Variants in NOL4 observed in about 807,000 individuals in gnomAD.
The protein encoded by NOL4 is nucleolar protein 4.
A neutral mutation model predicts 75.9 loss-of-function variants in NOL4; 17 were observed. The observed-to-expected ratio is 0.22, with a 90% CI of 0.15 to 0.34. NOL4 has a LOEUF of 0.34. Among genes scored for constraint, NOL4 ranks in the 10% least tolerant of loss-of-function variants. NOL4 has a pLI of 1.00. For synonymous variants in NOL4, 292 were observed against 289.9 expected (o/e 1.01, Z -0.07); for missense variants, 614 against 793.5 (o/e 0.77, Z 2.72).
chr18:34,216,109 C>T (rs987985850), intron 1 of NOL4, among the ~76,000 whole-genome samples: 1 of 152,122 alleles, frequency 6.6e-6, no homozygotes, highest in African/African-American at 2.4e-5. Context: ...AGAAGATATA[C>T]ATTATGTCAC....
chr18:33,935,135 G>T (rs887198546), intron 9 of NOL4, among the ~76,000 whole-genome samples: 3 of 152,036 alleles, frequency 2.0e-5, no homozygotes, highest in African/African-American at 7.2e-5. Flanking sequence ...AAACTGCTGG[G>T]ATTACATGTG....
In NOL4 at chr18:33,852,575, G is replaced by A. The variant is rs1185994921; in HGVS notation, c.*267C>T. On this transcript the variant is annotated 3_prime_UTR_variant, in exon 11 of 11. Transcript: ENST00000261592. ...TTTATCCTTGAATTAAGAATAGATA[G>A]CCTTTTATGCCCCTGATATTTATGG... 3 of 270,172 alleles carry A rather than the reference G, an allele frequency of 1.1e-5. No individual in the cohort carries two copies. Among genetic ancestry groups the A allele is most frequent in the Non-Finnish European group, 2.1e-5 (3 of 144,776 alleles). 16.7% of individuals were successfully genotyped at this position (270,172 alleles called of 1,614,324 possible). A position where few individuals can be genotyped will look rare whatever the true frequency, so the allele number is the denominator to read the frequency against.
At chr18:33,867,195 C>G (rs2063472635) in intron 10 of NOL4, among the ~76,000 whole-genome samples, 2 of 152,206 alleles carry the variant, frequency 1.3e-5, no homozygotes, top group South Asian at 4.1e-4. Context: ...AGATTTGAAC[C>G]TGGGTTTTCC....
At chr18:33,900,855 C>T (rs2065706676) in intron 9 of NOL4, among the ~76,000 whole-genome samples, 1 of 152,038 alleles carries the variant, frequency 6.6e-6, no homozygotes, top group African/African-American at 2.4e-5. Flanking sequence ...CATCTTATGG[C>T]TAGAATTTTA....
At chr18:33,887,169 T>C (rs1441955834) in intron 9 of NOL4, among the ~76,000 whole-genome samples, 2 of 145,650 alleles carry the variant, frequency 1.4e-5, no homozygotes, top group Admixed American at 1.4e-4. Context: ...TATATATATA[T>C]AGATGTATCT....
intron 1 of NOL4, among the ~76,000 whole-genome samples, chr18:34,173,247 TG>T (rs1258941314): frequency 1.3e-5 from 2 of 152,122 alleles, no homozygotes; most frequent in East Asian, 3.9e-4. Flanking sequence ...GGCTGGAGGA[TG>T]GGATAAAGAG....
intron 4 of NOL4, among the ~76,000 whole-genome samples, chr18:34,101,838 G>A (rs1002513051): frequency 1.3e-5 from 2 of 151,496 alleles, no homozygotes; most frequent in Middle Eastern, 3.2e-3. Context: ...TGACTTCTCT[G>A]CTCAAAACCT....
chr18:33,933,895 G>A (rs2067874600), intron 9 of NOL4, among the ~76,000 whole-genome samples: 2 of 152,104 alleles, frequency 1.3e-5, no homozygotes, highest in African/African-American at 2.4e-5. Flanking sequence ...CTAGAATGGT[G>A]AATCCTTTTC....
Position 33,883,383 on chromosome 18 carries a change from C to T in NOL4, c.1584G>A (p.Ala528=), listed in dbSNP as rs754810238. ...CTGATGTTGAGTAAGTGGCCTGGGT[C>T]GCCTCTGGTTTACACTGTTTGTCAG... is the stretch of plus-strand genomic sequence containing the variant. ...APADKQCKPE[A]TQATYSTSAV... is the part of the protein sequence containing the mutation. The change falls in exon 10 of 11, where the codon GCG becomes GCA. Residue 528 remains alanine, a synonymous_variant. Transcript: ENST00000261592. The T allele has an allele frequency of 1.2e-5, 19 of 1,612,376 alleles. No individual in the cohort carries two copies. The African/African-American group carries it at 1.3e-4, about 11-fold the overall frequency.
chr18:34,170,332 A>G (rs1600787723), intron 1 of NOL4, among the ~76,000 whole-genome samples: 2 of 151,760 alleles, frequency 1.3e-5, no homozygotes, highest in East Asian at 2.0e-4. Flanking sequence ...CACGTGCCAC[A>G]CTGCCTGGCT....
intron 10 of NOL4, among the ~76,000 whole-genome samples, chr18:33,877,946 G>A (rs2064029368): frequency 1.3e-5 from 2 of 151,864 alleles, no homozygotes; most frequent in Non-Finnish European, 2.9e-5. Context: ...TTTAAAAAAG[G>A]GTGTTCAATG....
At chr18:33,992,589 A>G (rs2073001183) in intron 6 of NOL4, among the ~76,000 whole-genome samples, 1 of 152,004 alleles carries the variant, frequency 6.6e-6, no homozygotes, top group African/African-American at 2.4e-5. Flanking sequence ...TGAGACAGAA[A>G]CTTCACTCTA....
chr18:34,163,748 T>A (rs1350997298), intron 1 of NOL4, among the ~76,000 whole-genome samples: 1 of 151,984 alleles, frequency 6.6e-6, no homozygotes, highest in African/African-American at 2.4e-5. Context: ...TACTTTAAAG[T>A]TCATATGGAA....
intron 4 of NOL4, among the ~76,000 whole-genome samples, chr18:34,094,647 T>G (rs923747977): frequency 6.6e-6 from 1 of 152,218 alleles, no homozygotes; most frequent in Non-Finnish European, 1.5e-5. Context: ...CTGTGCAAAA[T>G]GTAAATGTTT....
chr18:33,933,288 G>A (rs1797006976), intron 9 of NOL4, among the ~76,000 whole-genome samples: 1 of 152,144 alleles, frequency 6.6e-6, no homozygotes. Context: ...GTCTTCTTGA[G>A]TCAAAATCTT....
intron 5 of NOL4, among the ~76,000 whole-genome samples, chr18:34,078,115 T>G (rs551206781): frequency 6.6e-6 from 1 of 152,156 alleles, no homozygotes; most frequent in Non-Finnish European, 1.5e-5. Context: ...AATTACAATA[T>G]GTTGGCATTT....
chr18:33,932,366 T>C (rs1401406083), intron 9 of NOL4, among the ~76,000 whole-genome samples: 2 of 152,068 alleles, frequency 1.3e-5, no homozygotes, highest in Non-Finnish European at 2.9e-5. Flanking sequence ...AAAGATTTCT[T>C]AAAGTTAAGA....
At chr18:33,997,024 C>T (rs539976825) in intron 6 of NOL4, among the ~76,000 whole-genome samples, 3 of 151,804 alleles carry the variant, frequency 2.0e-5, no homozygotes, top group African/African-American at 7.2e-5. Flanking sequence ...GCATAATTCG[C>T]AAATATATTT....
chr18:33,988,396 G>A (rs2146076479), intron 6 of NOL4, among the ~76,000 whole-genome samples: 1 of 152,120 alleles, frequency 6.6e-6, no homozygotes, highest in East Asian at 1.9e-4. Context: ...AACATAAAAA[G>A]ATACTTGAGA....
Sources: gnomAD v4.1 joint callset for allele counts (sites outside exome capture counted in the v4.1 genomes callset) on GRCh38, gnomAD v4.1.1 for gene constraint, MANE v1.5 for transcripts, NCBI Gene and HGNC (gene_info 2026-07-23, HGNC 2026-07-21) for gene names.